Variants in MARK1 observed in about 807,000 individuals in gnomAD.
The protein encoded by MARK1 is microtubule affinity regulating kinase 1, also known as serine/threonine-protein kinase MARK1.
In MARK1, 40 loss-of-function variants were observed where a neutral mutation model predicts 96.3. That is an observed-to-expected ratio of 0.42 (90% CI 0.32 to 0.54). The LOEUF is 0.54. Among genes scored for constraint, MARK1 ranks in the 20% least tolerant of loss-of-function variants. The pLI, the probability that MARK1 is intolerant of heterozygous loss-of-function variation, is 0.16. For synonymous variants in MARK1, 317 were observed against 341.2 expected, an observed-to-expected ratio of 0.93 and a Z score of 0.78; for missense variants, 719 against 984.6, an observed-to-expected ratio of 0.73 and a Z score of 3.61.
intron 1 of MARK1, among the ~76,000 whole-genome samples, chr1:220,544,622 A>G (rs1468947416): frequency 6.6e-6 from 1 of 152,186 alleles, no homozygotes; most frequent in Non-Finnish European, 1.5e-5. Context: ...TGTTATAGCA[A>G]CGGAAAAGAG....
At chr1:220,601,427 A>C (rs1357767867) in intron 5 of MARK1, among the ~76,000 whole-genome samples, 1 of 152,074 alleles carries the variant, frequency 6.6e-6, no homozygotes. Context: ...TAAAACAGCC[A>C]TGTAAATTTC....
chr1:220,556,714 G>T (rs1278402045), intron 1 of MARK1, among the ~76,000 whole-genome samples: 1 of 152,030 alleles, frequency 6.6e-6, no homozygotes, highest in Non-Finnish European at 1.5e-5. Flanking sequence ...AAGCTGATTA[G>T]AAAAAGAACT....
At chr1:220,651,933 C>T in intron 14 of MARK1, 53 bp from the exon 15 acceptor site, 1 of 1,419,284 alleles carries the variant, frequency 7.0e-7, no homozygotes, top group Non-Finnish European at 9.4e-7. Flanking sequence ...TTTAGTAAAC[C>T]ACAAATTTTC....
intron 9 of MARK1, among the ~76,000 whole-genome samples, chr1:220,628,766 T>C (rs1307648068): frequency 6.6e-6 from 1 of 152,090 alleles, no homozygotes; most frequent in Non-Finnish European, 1.5e-5. Flanking sequence ...CAAGAAAATA[T>C]GAATTCTCTA....
intron 3 of MARK1, among the ~76,000 whole-genome samples, chr1:220,582,617 C>T (rs1043753422): frequency 1.2e-4 from 19 of 152,138 alleles, no homozygotes; most frequent in African/African-American, 3.4e-4. Context: ...ACTACTCAGG[C>T]CTGTTGTGCT....
intron 6 of MARK1, among the ~76,000 whole-genome samples, chr1:220,605,168 A>G (rs1665994816): frequency 6.6e-6 from 1 of 152,206 alleles, no homozygotes; most frequent in Non-Finnish European, 1.5e-5. Context: ...GCATTCTCCA[A>G]ATTGACCATG....
chr1:220,654,392 C>T lies in MARK1; in HGVS notation c.1988+1040C>T, dbSNP rs981805309. Among the ~76,000 whole-genome samples the T allele has an allele frequency of 2.0e-5, 3 of 152,200 alleles. No homozygotes were observed. Among genetic ancestry groups the T allele is most frequent in the Non-Finnish European group, 2.9e-5 (2 of 68,036 alleles). The stretch of plus-strand genomic sequence containing the variant: ...TGGATGTGGAAAAGAGAAGAAGCAG[C>T]TTCAGTCTTACTTGCCTTGTCATGG... On this transcript the variant is annotated intron_variant, in intron 16 of 17. Coordinates refer to ENST00000366917, the MANE Select transcript of MARK1 (RefSeq NM_018650.5). This position sits in a 1 kb window ranked among gnomAD's most constrained non-coding sequence, Gnocchi z 4.0.
Position 220,651,977 on chromosome 1 carries a change from T to C in MARK1, c.1572-9T>C, listed in dbSNP as rs1272433106. 6.4e-7 allele frequency: 1 copy of C among 1,558,318 alleles called. No homozygotes were observed. The highest frequency in any genetic ancestry group is 1.2e-5 in the South Asian group (1 of 84,636). On this transcript the variant is annotated splice_polypyrimidine_tract_variant and intron_variant, in intron 14 of 17. Transcript: ENST00000366917. ...TTCCATGGTCTTCTCAACTGCTTTA[T>C]GGTGAAAGCCTTACGGAGATGTCTG...
At position 220,528,622 on chromosome 1, in the gene MARK1, G is replaced by T. The variant is rs1660079270; in HGVS notation, c.-201G>T. ...CGCATACCCCGGCGGCGCCGCCGCGGGAAGCGGCTCCCCCTCCTCTTCCTC... is the reference window on the plus strand; with the variant it reads ...CGCATACCCCGGCGGCGCCGCCGCGTGAAGCGGCTCCCCCTCCTCTTCCTC... On this transcript the variant is annotated 5_prime_UTR_variant, in exon 1 of 18. Coordinates refer to ENST00000366917, the MANE Select transcript of MARK1 (RefSeq NM_018650.5). 6 of 493,860 alleles carry T rather than the reference G, an allele frequency of 1.2e-5. No individual in the cohort carries two copies. The highest frequency in any genetic ancestry group is 2.1e-5 in the Non-Finnish European group (6 of 280,534). 30.6% of individuals were successfully genotyped at this position (493,860 alleles called of 1,614,324 possible). A position where few individuals can be genotyped will look rare whatever the true frequency, so the allele number is the denominator to read the frequency against.
chr1:220,600,218 A>G (rs1307395522), intron 5 of MARK1, among the ~76,000 whole-genome samples: 1 of 152,188 alleles, frequency 6.6e-6, no homozygotes, highest in Non-Finnish European at 1.5e-5. Context: ...GAATGTATTT[A>G]ATAAAATCTA....
At chr1:220,541,652 A>T (rs74797895) in intron 1 of MARK1, among the ~76,000 whole-genome samples, 2,357 of 152,234 alleles carry the variant, frequency 0.015, 33 homozygotes, top group Middle Eastern at 0.044. Context: ...ATCACTACGT[A>T]ATATTCTTCT....
chr1:220,611,533 C>T (rs1479440553), intron 6 of MARK1, among the ~76,000 whole-genome samples: 1 of 151,926 alleles, frequency 6.6e-6, no homozygotes, highest in Non-Finnish European at 1.5e-5. Context: ...TGCCTCCCTG[C>T]CCTGCTTCAG....
intron 2 of MARK1, 23 bp downstream of exon 2, chr1:220,579,580 A>G: frequency 6.3e-7 from 1 of 1,599,346 alleles, no homozygotes; most frequent in Non-Finnish European, 8.6e-7. Context: ...AATGCCTTTT[A>G]ATATCTGCCT....
chr1:220,593,107 A>G (rs1038552070), intron 3 of MARK1, among the ~76,000 whole-genome samples: 11 of 152,200 alleles, frequency 7.2e-5, no homozygotes, highest in Non-Finnish European at 1.3e-4. Flanking sequence ...TAAATTACAA[A>G]TGAAACATAA....
At chr1:220,584,182 T>C (rs1169760825) in intron 3 of MARK1, among the ~76,000 whole-genome samples, 1 of 152,146 alleles carries the variant, frequency 6.6e-6, no homozygotes, top group African/African-American at 2.4e-5. Context: ...TCTGCTAACA[T>C]TTTTGTATCT....
chr1:220,656,197 A>G (rs1669164904), intron 16 of MARK1, among the ~76,000 whole-genome samples: 1 of 152,224 alleles, frequency 6.6e-6, no homozygotes, highest in Non-Finnish European at 1.5e-5. Context: ...CTGTAGCTCC[A>G]TCTGCCTCCT....
intron 13 of MARK1, among the ~76,000 whole-genome samples, chr1:220,642,825 G>T (rs928193086): frequency 2.6e-5 from 4 of 152,166 alleles, no homozygotes; most frequent in Admixed American, 1.3e-4. Context: ...CAGGCAAACG[G>T]TCTGGAGTGG....
At chr1:220,640,632 AAAG>A (rs1668216146) in intron 13 of MARK1, among the ~76,000 whole-genome samples, 1 of 152,200 alleles carries the variant, frequency 6.6e-6, no homozygotes, top group Admixed American at 6.5e-5. Flanking sequence ...TTTATAAAGA[AAAG>A]AAATTTATTT....
Position 220,618,399 on chromosome 1 carries a change from C to T in MARK1, c.642C>T (p.Asp214=). The T allele has an allele frequency of 2.5e-6, 4 of 1,614,022 alleles. No individual in the cohort carries two copies. The highest frequency in any genetic ancestry group is 3.4e-6 in the Non-Finnish European group (4 of 1,179,912). ...SNEFTVGNKL[D]TFCGSPPYAA... The stretch of plus-strand genomic sequence containing the variant: ...AATTTACAGTTGGGAACAAATTGGA[C>T]ACATTTTGTGGAAGCCCACCCTATG... The change falls in exon 8 of 18, where the codon GAC becomes GAT. Residue 214 remains aspartate (D), a synonymous_variant. Coordinates refer to ENST00000366917, the MANE Select transcript of MARK1 (RefSeq NM_018650.5). The surrounding 1 kb of genome is among the most constrained non-coding windows in gnomAD (Gnocchi z 4.6).
Sources: gnomAD v4.1 joint callset for allele counts (sites outside exome capture counted in the v4.1 genomes callset) on GRCh38, gnomAD v4.1.1 for gene constraint, Gnocchi (gnomAD v3.1) non-coding constraint, MANE v1.5 for transcripts, NCBI Gene and HGNC (gene_info 2026-07-23, HGNC 2026-07-21) for gene names.